Variants in SVEP1 observed in about 807,000 individuals in gnomAD.
SVEP1 encodes sushi, von Willebrand factor type A, EGF and pentraxin domain containing 1.
Under a neutral mutation model 367.3 loss-of-function variants are expected in SVEP1, and 164 were observed. That is an observed-to-expected ratio of 0.45 (90% CI 0.39 to 0.51). The LOEUF is 0.51. Among genes scored for constraint, SVEP1 ranks in the 20% least tolerant of loss-of-function variants. The pLI is 0.00. For missense variants in SVEP1, 4,117 were observed against 4,425.3 expected (o/e 0.93, Z 1.98); for synonymous variants, 1,666 against 1,611.6 (o/e 1.03, Z -0.81).
rs544221922 is a variant in SVEP1 at position 110,539,622 on chromosome 9, T to TAC, written c.964+6492_964+6493insGT. Among the ~76,000 whole-genome samples, 12 of 150,728 alleles carry TAC rather than the reference T, an allele frequency of 8.0e-5. No individual in the cohort carries two copies. The East Asian group carries it at 2.3e-3, about 29-fold the overall frequency. ...ACTTAACAGATTTTTAAAGTATATA[T>TAC]ATACACATATATGTATGTGTTACAT... On this transcript the variant is annotated intron_variant, in intron 3 of 47. Coordinates refer to ENST00000374469, the MANE Select transcript of SVEP1 (RefSeq NM_153366.4).
chr9:110,406,900 C>T lies in SVEP1; in HGVS notation c.8700G>A (p.Gly2900=), dbSNP rs1449284108. 3 of 1,613,918 alleles carry T rather than the reference C, an allele frequency of 1.9e-6. No homozygotes were observed. The highest frequency in any genetic ancestry group is 2.7e-5 in the African/African-American group (2 of 75,008). The change falls in exon 38 of 48, where the codon GGG becomes GGA. Residue 2900 remains glycine (G), a synonymous_variant. Coordinates refer to ENST00000374469, the MANE Select transcript of SVEP1 (RefSeq NM_153366.4). ...RCATPPQLAN[G]VTEGLDYGFM... is the part of the protein sequence containing the mutation. ...AGCCATAGTCCAGGCCTTCCGTCAC[C>T]CCATTGGCCAGTTGTGGCGGGGTGG...
At chr9:110,366,817 C>T (rs994731452) in intron 47 of SVEP1, among the ~76,000 whole-genome samples, 1 of 152,172 alleles carries the variant, frequency 6.6e-6, no homozygotes, top group African/African-American at 2.4e-5. Context: ...TTCTATCTAT[C>T]TTACAATTCT....
Position 110,449,208 on chromosome 9 carries a change from C to T in SVEP1, c.4103+851G>A, listed in dbSNP as rs552212797. 2.6e-5 allele frequency among the ~76,000 whole-genome samples: 4 copies of T among 152,198 alleles called. No homozygotes were observed. The East Asian group carries it at 5.8e-4, about 22-fold the overall frequency. On this transcript the variant is annotated intron_variant, in intron 24 of 47. Coordinates refer to ENST00000374469, the MANE Select transcript of SVEP1 (RefSeq NM_153366.4). The stretch of plus-strand genomic sequence containing the variant: ...TTTTTCAAACTGTATTCTACTGGCA[C>T]CTAAGAGCTGCCTCAGGGAGACATA...
intron 5 of SVEP1, among the ~76,000 whole-genome samples, chr9:110,512,201 G>T (rs985236000): frequency 3.9e-5 from 6 of 152,132 alleles, no homozygotes; most frequent in African/African-American, 1.2e-4. Context: ...CAGGGATTCT[G>T]ATGGAGGTCC....
chr9:110,402,448 G>C (rs570666040), intron 39 of SVEP1, among the ~76,000 whole-genome samples: 1 of 152,048 alleles, frequency 6.6e-6, no homozygotes, highest in Non-Finnish European at 1.5e-5. Flanking sequence ...GCTGAACATA[G>C]TTTTACACAG....
At chr9:110,366,741 T>C (rs1178774601) in intron 47 of SVEP1, among the ~76,000 whole-genome samples, 181 bp from the exon 48 acceptor site, 1 of 152,158 alleles carries the variant, frequency 6.6e-6, no homozygotes, top group Non-Finnish European at 1.5e-5. Flanking sequence ...GGGAAACAAG[T>C]GCTAACTTAT....
chr9:110,557,483 GCCTC>G (rs938083590), intron 1 of SVEP1, among the ~76,000 whole-genome samples: 2 of 142,970 alleles, frequency 1.4e-5, no homozygotes, highest in African/African-American at 5.3e-5. Context: ...CTCCCTTCCT[GCCTC>G]CCTCCCTCCC....
At chr9:110,518,226 T>C (rs1012643915) in intron 3 of SVEP1, among the ~76,000 whole-genome samples, 5 of 151,904 alleles carry the variant, frequency 3.3e-5, no homozygotes, top group African/African-American at 9.7e-5. Context: ...AGTTCGAGAC[T>C]AGCCTGGCCA....
At chr9:110,571,990 C>T (rs1034455549) in intron 1 of SVEP1, among the ~76,000 whole-genome samples, 5 of 152,208 alleles carry the variant, frequency 3.3e-5, no homozygotes, top group Admixed American at 1.3e-4. Flanking sequence ...CCATCGTTTA[C>T]ATTCTCTGGG....
At position 110,496,885 on chromosome 9, in the gene SVEP1, G is replaced by C. The variant is rs185854854; in HGVS notation, c.1730C>G (p.Thr577Ser). Residue 577 changes from threonine to serine, a missense_variant, in exon 8 of 48, where the codon ACT becomes AGT. Thr to Ser is a moderately conservative substitution (Grantham distance 58, BLOSUM62 1). Coordinates refer to ENST00000374469, the MANE Select transcript of SVEP1 (RefSeq NM_153366.4). ...ATTGGCAGAATCTTGCTGTTCCAGA[G>C]TCTTAGCCTCTATGTCCTTAGGACA... ...INCPKDIEAK[T>S]LEQQDSANVT... 1.3e-4 allele frequency: 205 copies of C among 1,556,886 alleles called. 1 individual carries two copies. The East Asian group carries it at 4.6e-3, about 35-fold the overall frequency.
intron 14 of SVEP1, among the ~76,000 whole-genome samples, chr9:110,473,802 T>C (rs1829057951): frequency 6.6e-6 from 1 of 152,332 alleles, no homozygotes; most frequent in East Asian, 1.9e-4. Flanking sequence ...ATTTTTACCT[T>C]GAGAAATATT....
At chr9:110,569,005 A>AGG (rs973708487) in intron 1 of SVEP1, among the ~76,000 whole-genome samples, 1 of 151,582 alleles carries the variant, frequency 6.6e-6, no homozygotes, top group African/African-American at 2.4e-5. Flanking sequence ...AGGCTGAGGT[A>AGG]GGGGGATACC....
chr9:110,466,162 T>A, intron 17 of SVEP1, 136 bp from the exon 18 acceptor site: 2 of 885,716 alleles, frequency 2.3e-6, no homozygotes, highest in Non-Finnish European at 3.3e-6. Flanking sequence ...CTCTTTCTCC[T>A]GTTAGCTAAG....
At chr9:110,574,773 T>G (rs1588114896) in intron 1 of SVEP1, among the ~76,000 whole-genome samples, 2 of 96,554 alleles carry the variant, frequency 2.1e-5, no homozygotes, top group Non-Finnish European at 4.0e-5. Context: ...TTTTGAGGAG[T>G]CTCACTCTGT....
chr9:110,451,643 AT>A (rs1211399206), intron 22 of SVEP1, among the ~76,000 whole-genome samples: 3 of 151,974 alleles, frequency 2.0e-5, no homozygotes, highest in African/African-American at 7.2e-5. Context: ...ATCTGACCAT[AT>A]TTTTTTTAGT....
chr9:110,440,111 G>A (rs1230534200), intron 27 of SVEP1, among the ~76,000 whole-genome samples: 1 of 152,136 alleles, frequency 6.6e-6, no homozygotes, highest in African/African-American at 2.4e-5. Context: ...CACCTCACTT[G>A]ATAATGCCAT....
At chr9:110,537,947 A>T (rs1206200595) in intron 3 of SVEP1, among the ~76,000 whole-genome samples, 5 of 151,816 alleles carry the variant, frequency 3.3e-5, no homozygotes, top group African/African-American at 1.2e-4. Flanking sequence ...TATTGGAGAG[A>T]GTCTCTTATA....
At chr9:110,476,546 T>C (rs565359114) in intron 13 of SVEP1, among the ~76,000 whole-genome samples, 7 of 152,220 alleles carry the variant, frequency 4.6e-5, no homozygotes, top group Admixed American at 2.6e-4. Flanking sequence ...TCACTCACCA[T>C]GAGAAGCCCA....
At chr9:110,447,608 T>C (rs1231136502) in intron 24 of SVEP1, among the ~76,000 whole-genome samples, 1 of 152,244 alleles carries the variant, frequency 6.6e-6, no homozygotes, top group Non-Finnish European at 1.5e-5. Context: ...ATGGAAAGTA[T>C]ATCTGGTAAT....
Sources: gnomAD v4.1 joint callset for allele counts (sites outside exome capture counted in the v4.1 genomes callset) on GRCh38, gnomAD v4.1.1 for gene constraint, MANE v1.5 for transcripts, NCBI Gene and HGNC (gene_info 2026-07-23, HGNC 2026-07-21) for gene names.